PALM2AKAP2: variants seen among roughly 807,000 people sequenced by gnomAD.
The protein encoded by PALM2AKAP2 is PALM2 and AKAP2 fusion.
In PALM2AKAP2, 37 loss-of-function variants were observed where a neutral mutation model predicts 71.5. That is an observed-to-expected ratio of 0.52 (90% confidence interval 0.40 to 0.68). PALM2AKAP2 has a LOEUF of 0.68. PALM2AKAP2 is among the 30% of genes least tolerant of loss of function. The probability of loss-of-function intolerance (pLI) is 0.00; values close to 1 mark genes in which losing one functional copy is unlikely to be tolerated. For missense variants in PALM2AKAP2, 1,224 were observed against 1,191.8 expected (o/e 1.03, Z -0.40); for synonymous variants, 468 against 478.8 (o/e 0.98, Z 0.29).
In PALM2AKAP2 at chr9:109,880,539, T is replaced by C; in HGVS notation, c.127-12T>C. On this transcript the variant is annotated splice_polypyrimidine_tract_variant and intron_variant, in intron 2 of 9. Transcript: ENST00000302798. ...GTATCATCTTGTCTGTTGTCTTCCC[T>C]CACTTCCACAGTCCAAAGTGCTTCG... The C allele has an allele frequency of 6.2e-7, 1 of 1,612,154 alleles. No individual in the cohort carries two copies. The highest frequency in any genetic ancestry group is 8.5e-7 in the Non-Finnish European group (1 of 1,179,756).
chr9:109,980,169 A>G (rs1832244772), intron 6 of PALM2AKAP2, among the ~76,000 whole-genome samples: 1 of 152,114 alleles, frequency 6.6e-6, no homozygotes, highest in African/African-American at 2.4e-5. Context: ...CTTTGCAAAC[A>G]ACAGATGCTT....
intron 1 of PALM2AKAP2, among the ~76,000 whole-genome samples, chr9:109,762,229 G>A (rs1829066952): frequency 6.6e-6 from 1 of 151,878 alleles, no homozygotes; most frequent in Admixed American, 6.6e-5. Context: ...AAGTGTTTTA[G>A]GTCCCTGGGA....
intron 1 of PALM2AKAP2, among the ~76,000 whole-genome samples, chr9:109,667,836 C>T (rs550946172): frequency 6.6e-6 from 1 of 151,938 alleles, no homozygotes; most frequent in African/African-American, 2.4e-5. Context: ...TAACCAGAAG[C>T]CTATAGCTCA....
At chr9:109,706,623 A>G (rs1828149390) in intron 1 of PALM2AKAP2, among the ~76,000 whole-genome samples, 2 of 152,258 alleles carry the variant, frequency 1.3e-5, no homozygotes, top group Non-Finnish European at 2.9e-5. Context: ...TCATAGCAGC[A>G]TTATCCATAA....
intron 1 of PALM2AKAP2, among the ~76,000 whole-genome samples, chr9:109,767,238 CT>C (rs909290609): frequency 1.6e-4 from 25 of 152,298 alleles, no homozygotes; most frequent in African/African-American, 6.0e-4. Context: ...TTTTTGTCCC[CT>C]CCTACTGCTC....
intron 3 of PALM2AKAP2, among the ~76,000 whole-genome samples, chr9:110,167,739 T>C (rs1337473901): frequency 6.6e-6 from 1 of 152,210 alleles, no homozygotes; most frequent in Non-Finnish European, 1.5e-5. Context: ...AGTAGGTTTT[T>C]ATACTATAAA....
chr9:109,964,323 A>G (rs908064716), intron 6 of PALM2AKAP2, among the ~76,000 whole-genome samples: 2 of 152,120 alleles, frequency 1.3e-5, no homozygotes, highest in Non-Finnish European at 2.9e-5. Flanking sequence ...TTTAGTGGTG[A>G]AGAAGATTGA....
intron 6 of PALM2AKAP2, chr9:109,945,857 A>G (rs1440976037): frequency 6.6e-6 from 1 of 152,222 alleles, no homozygotes; most frequent in Non-Finnish European, 1.5e-5. Flanking sequence ...CTACAACACT[A>G]CACACAAGAA....
At chr9:109,763,662 G>A (rs763062532) in intron 1 of PALM2AKAP2, among the ~76,000 whole-genome samples, 3 of 152,142 alleles carry the variant, frequency 2.0e-5, no homozygotes, top group African/African-American at 4.8e-5. Flanking sequence ...CTGAAATCAA[G>A]GTGTCAGCAG....
chr9:109,962,829 G>A (rs1265996311), intron 6 of PALM2AKAP2, among the ~76,000 whole-genome samples: 9 of 152,176 alleles, frequency 5.9e-5, no homozygotes, highest in Non-Finnish European at 1.3e-4. Flanking sequence ...TTTTAGTAGA[G>A]ATGAGATTTT....
upstream of PALM2AKAP2, among the ~76,000 whole-genome samples, chr9:109,779,495 T>G (rs1449127689): frequency 6.6e-6 from 1 of 152,210 alleles, no homozygotes; most frequent in Admixed American, 6.5e-5. Context: ...TGTCTCTCAT[T>G]CGTCTCTAAT....
At chr9:109,666,137 A>C (rs763580470) in intron 1 of PALM2AKAP2, among the ~76,000 whole-genome samples, 43 of 152,204 alleles carry the variant, frequency 2.8e-4, no homozygotes, top group Non-Finnish European at 4.9e-4. Context: ...TGACTCCTTG[A>C]GCTTCCCTGG....
At chr9:109,841,786 G>T in intron 1 of PALM2AKAP2, among the ~76,000 whole-genome samples, 1 of 34,026 alleles carries the variant, frequency 2.9e-5, no homozygotes, top group Admixed American at 2.6e-4. Context: ...GAGGGTGGGG[G>T]GGTGGAAGGG....
At chr9:109,749,577 A>G (rs970336635) in intron 1 of PALM2AKAP2, among the ~76,000 whole-genome samples, 2 of 150,538 alleles carry the variant, frequency 1.3e-5, no homozygotes. Context: ...CCCAAAAAGT[A>G]TTTTCTGGGA....
At chr9:109,868,173 T>C (rs2131700679) in intron 2 of PALM2AKAP2, among the ~76,000 whole-genome samples, 1 of 152,256 alleles carries the variant, frequency 6.6e-6, no homozygotes, top group Middle Eastern at 3.4e-3. Context: ...GTCTCCATGG[T>C]ACCATCTAAA....
intron 6 of PALM2AKAP2, among the ~76,000 whole-genome samples, chr9:109,969,606 G>C (rs940132814): frequency 6.6e-6 from 1 of 152,200 alleles, no homozygotes; most frequent in African/African-American, 2.4e-5. Context: ...ATCATCACTG[G>C]TTCTCACTGG....
At chr9:110,110,578 TC>T (rs1464570837) in intron 1 of PALM2AKAP2, among the ~76,000 whole-genome samples, 1 of 140,438 alleles carries the variant, frequency 7.1e-6, no homozygotes, top group Non-Finnish European at 1.5e-5. Flanking sequence ...AGATGGAGTC[TC>T]ACTATCATCC....
chr9:110,040,143 C>A (rs990524101), intron 7 of PALM2AKAP2, among the ~76,000 whole-genome samples: 2 of 152,052 alleles, frequency 1.3e-5, no homozygotes, highest in Non-Finnish European at 2.9e-5. Flanking sequence ...GGTATAGGTA[C>A]TTTAGTTGAT....
intron 1 of PALM2AKAP2, among the ~76,000 whole-genome samples, chr9:109,815,039 C>T (rs13300179): frequency 0.18 from 26,936 of 152,042 alleles, 2,789 homozygotes; most frequent in East Asian, 0.35. Context: ...TCAGAGGTGG[C>T]TATCTTGATA....
Sources: gnomAD v4.1 joint callset for allele counts (sites outside exome capture counted in the v4.1 genomes callset) on GRCh38, gnomAD v4.1.1 for gene constraint, MANE v1.5 for transcripts, NCBI Gene and HGNC (gene_info 2026-07-23, HGNC 2026-07-21) for gene names.